The following ZMYND11 variants were observed in gnomAD, a reference collection of about 807,000 sequenced individuals.
ZMYND11 encodes the protein zinc finger MYND-type containing 11.
Under a neutral mutation model 84.9 loss-of-function variants are expected in ZMYND11, and 9 were observed. The ratio of observed to expected loss-of-function variants is 0.11; its 90% CI spans 0.06 to 0.18. The LOEUF is 0.18. Among genes scored for constraint, ZMYND11 ranks in the 10% least tolerant of loss-of-function variants. ZMYND11 has a pLI of 1.00. For synonymous variants in ZMYND11, 250 were observed against 244.1 expected (o/e 1.02, Z -0.23); for missense variants, 409 against 761.0 (o/e 0.54, Z 5.44).
rs370220813 is a variant in ZMYND11 at position 253,674 on chromosome 10, C to T, written c.*1204C>T. ...ATTACTTTTCTTTTAAAATATCTCA[C>T]AATTTATGTGGTATTTTTAAAGACT... On this transcript the variant is annotated 3_prime_UTR_variant, in exon 15 of 15. Transcript: ENST00000381604. 1 of 152,558 alleles carries T rather than the reference C, an allele frequency of 6.6e-6. No individual in the cohort carries two copies. Among genetic ancestry groups the T allele is most frequent in the Non-Finnish European group, 1.5e-5 (1 of 68,020 alleles). 9.5% of individuals were successfully genotyped at this position (152,558 alleles called of 1,614,324 possible).
At chr10:188,130 CTT>C (rs984357238) in intron 2 of ZMYND11, among the ~76,000 whole-genome samples, 3 of 152,028 alleles carry the variant, frequency 2.0e-5, no homozygotes, top group East Asian at 1.9e-4. Context: ...TCATAATAAA[CTT>C]TTGAAAGTTA....
intron 13 of ZMYND11, 109 bp downstream of exon 13, chr10:248,717 A>G: frequency 7.1e-7 from 1 of 1,417,190 alleles, no homozygotes; most frequent in Non-Finnish European, 9.3e-7. Flanking sequence ...ATGTAGCCAT[A>G]TAATGACACC....
intron 1 of ZMYND11, among the ~76,000 whole-genome samples, chr10:154,135 T>G (rs1344013039): frequency 6.6e-6 from 1 of 152,230 alleles, no homozygotes; most frequent in Non-Finnish European, 1.5e-5. Flanking sequence ...ATGCTATAGA[T>G]GTTACTGTAG....
At chr10:178,033 G>A in intron 1 of ZMYND11, among the ~76,000 whole-genome samples, 1 of 152,022 alleles carries the variant, frequency 6.6e-6, no homozygotes. Context: ...ATTAAGAAAG[G>A]GAAAAATTGG....
At chr10:251,787 C>T (rs978947831) in intron 14 of ZMYND11, among the ~76,000 whole-genome samples, 1 of 152,132 alleles carries the variant, frequency 6.6e-6, no homozygotes, top group African/African-American at 2.4e-5. Context: ...GCATCCCAGG[C>T]CTCTGTCTGC....
chr10:172,683 A>G lies in ZMYND11; in HGVS notation c.-19-7311A>G, dbSNP rs569841546. 1.3e-3 allele frequency among the ~76,000 whole-genome samples: 194 copies of G among 152,318 alleles called. 5 individuals carry two copies. The South Asian group carries it at 0.039, about 31-fold the overall frequency. ...ATGTCCATTCTTCCCACTTTTATGT[A>G]TGGATTCATGTAGTCTCAATCAGAA... On this transcript the variant is annotated intron_variant, in intron 1 of 14. Coordinates refer to ENST00000381604, the MANE Select transcript of ZMYND11 (RefSeq NM_001370100.5).
chr10:151,186 C>T (rs1302711195), intron 1 of ZMYND11, among the ~76,000 whole-genome samples: 1 of 152,184 alleles, frequency 6.6e-6, no homozygotes, highest in African/African-American at 2.4e-5. Flanking sequence ...GAACGCAGTC[C>T]TCACCAGCGA....
intron 1 of ZMYND11, among the ~76,000 whole-genome samples, chr10:144,016 A>AC (rs1554754614): frequency 1.3e-5 from 2 of 151,804 alleles, no homozygotes; most frequent in African/African-American, 4.8e-5. Flanking sequence ...TTAAAAAAAA[A>AC]AAAAACTGCC....
At chr10:246,354 C>T (rs1263454097) in intron 10 of ZMYND11, among the ~76,000 whole-genome samples, 1 of 152,076 alleles carries the variant, frequency 6.6e-6, no homozygotes, top group Non-Finnish European at 1.5e-5. Context: ...CGGCAAATAG[C>T]TAGATGGGTT....
intron 1 of ZMYND11, among the ~76,000 whole-genome samples, chr10:158,984 G>GTTTTTTTTTTTTTTTTTTTTTT (rs376931420): frequency 2.5e-5 from 1 of 40,024 alleles, no homozygotes; most frequent in Non-Finnish European, 5.2e-5. Context: ...AGGGTTTTTT[G>GTTTTTTTTTTTTTTTTTTTTTT]TTTTTTGTTT....
chr10:203,290 G>T (rs889792914), intron 2 of ZMYND11, among the ~76,000 whole-genome samples: 6 of 151,836 alleles, frequency 4.0e-5, no homozygotes, highest in Non-Finnish European at 7.4e-5. Context: ...TAAGCAGACT[G>T]CCCAATAAAT....
intron 1 of ZMYND11, among the ~76,000 whole-genome samples, chr10:166,988 GAC>G (rs1844158397): frequency 6.6e-6 from 1 of 152,104 alleles, no homozygotes; most frequent in Non-Finnish European, 1.5e-5. Flanking sequence ...AAATAAGACA[GAC>G]ACAAAAGGAC....
intron 2 of ZMYND11, among the ~76,000 whole-genome samples, chr10:180,694 C>T (rs982948302): frequency 1.3e-5 from 2 of 152,362 alleles, no homozygotes; most frequent in Non-Finnish European, 1.5e-5. Context: ...GCCACTGCAC[C>T]TGGCCAGAGA....
intron 1 of ZMYND11, among the ~76,000 whole-genome samples, chr10:155,835 A>C (rs1283559842): frequency 6.6e-6 from 1 of 152,180 alleles, no homozygotes; most frequent in Non-Finnish European, 1.5e-5. Context: ...TCGTTGGGAG[A>C]CTGGCTGTCA....
chr10:182,058 G>T lies in ZMYND11; in HGVS notation c.116+1930G>T, dbSNP rs140710901. ...AAATTAAAATCATGTAAACATGACA[G>T]CCGTTTCAGTTTTTCAGATGACCTT... On this transcript the variant is annotated intron_variant, in intron 2 of 14. Coordinates refer to ENST00000381604, the MANE Select transcript of ZMYND11 (RefSeq NM_001370100.5). Among the ~76,000 whole-genome samples the T allele has an allele frequency of 5.4e-4, 82 of 152,244 alleles. 1 individual carries two copies. The highest frequency in any genetic ancestry group is 2.0e-3 in the African/African-American group (81 of 41,536).
At chr10:150,007 G>A (rs1020411079) in intron 1 of ZMYND11, among the ~76,000 whole-genome samples, 9 of 152,100 alleles carry the variant, frequency 5.9e-5, no homozygotes, top group East Asian at 1.9e-4. Flanking sequence ...TGCTGGATTC[G>A]GTTTGCCAGT....
intron 10 of ZMYND11, 80 bp from the exon 11 acceptor site, chr10:246,686 A>C: frequency 1.5e-6 from 2 of 1,354,774 alleles, no homozygotes; most frequent in Non-Finnish European, 1.0e-6. Context: ...TATGGCAGGC[A>C]GGGTCCACTG....
At position 248,445 on chromosome 10, in the gene ZMYND11, C is replaced by T. The variant is rs1564465546; in HGVS notation, c.1337C>T (p.Ser446Phe). The change falls in exon 13 of 15, where the codon TCT (serine) becomes TTT (phenylalanine). Residue 446 changes from serine (S) to phenylalanine (F), a missense_variant. By Grantham distance (155) the Ser-to-Phe change is radical. Coordinates refer to ENST00000381604, the MANE Select transcript of ZMYND11 (RefSeq NM_001370100.5). Reference sequence around the variant, plus strand: ...ACTCAGACAAAGAAGTTAAGTGCCTCTTCACCAAGAATGCTGCATCGGAGC... The same window carrying T: ...ACTCAGACAAAGAAGTTAAGTGCCTTTTCACCAAGAATGCTGCATCGGAGC... ...VSTQTKKLSA[S>F]SPRMLHRSTQ... The T allele has an allele frequency of 6.2e-7, 1 of 1,614,196 alleles. No homozygotes were observed. Among genetic ancestry groups the T allele is most frequent in the Non-Finnish European group, 8.5e-7 (1 of 1,180,038 alleles).
intron 2 of ZMYND11, among the ~76,000 whole-genome samples, chr10:183,995 A>G (rs764214431): frequency 2.0e-5 from 3 of 152,184 alleles, no homozygotes; most frequent in Non-Finnish European, 2.9e-5. Flanking sequence ...CTGTCTTTCT[A>G]GGCCTTTGGA....
Sources: allele counts gnomAD v4.1 joint callset (sites outside exome capture counted in the v4.1 genomes callset), GRCh38; gene constraint gnomAD v4.1.1; transcripts MANE v1.5; gene names NCBI Gene and HGNC (gene_info 2026-07-23, HGNC 2026-07-21).